The following THSD7A variants were observed in gnomAD, a reference collection of about 807,000 sequenced individuals.
The protein encoded by THSD7A is thrombospondin type 1 domain containing 7A.
In THSD7A, 96 loss-of-function variants were observed where a neutral mutation model predicts 231.3. That is an observed-to-expected ratio of 0.41 (90% CI 0.35 to 0.49). THSD7A has a LOEUF of 0.49. Ranked by LOEUF, THSD7A falls within the 20% of genes least tolerant of loss-of-function variation. The pLI, the probability that THSD7A is intolerant of heterozygous loss-of-function variation, is 0.05. For synonymous variants in THSD7A, 940 were observed against 743.3 expected, an observed-to-expected ratio of 1.26 and a Z score of -4.30; for missense variants, 2,290 against 2,070.2, an observed-to-expected ratio of 1.11 and a Z score of -2.06.
At chr7:11,426,593 T>C (rs1784328368) in intron 15 of THSD7A, 73 bp downstream of exon 15, 5 of 1,408,966 alleles carry the variant, frequency 3.5e-6, no homozygotes, top group South Asian at 1.4e-5. Flanking sequence ...AGAAGAGAAA[T>C]GTATTCTCAG....
At chr7:11,752,987 A>T (rs1052372980) in intron 1 of THSD7A, among the ~76,000 whole-genome samples, 1 of 152,052 alleles carries the variant, frequency 6.6e-6, no homozygotes, top group African/African-American at 2.4e-5. Flanking sequence ...AACTCTTTAC[A>T]TAGTTCAATT....
chr7:11,386,927 A>T (rs1419586439), intron 23 of THSD7A, among the ~76,000 whole-genome samples: 2 of 152,184 alleles, frequency 1.3e-5, no homozygotes, highest in Non-Finnish European at 2.9e-5. Context: ...TTTTCTGCAT[A>T]TGGCTAGCCA....
rs1789516529 is a variant in THSD7A, at chr7:11,549,035, C to T, written c.1454-5918G>A. ...ACAAAGGTCTAATATCCAGAATCTACAAGGAACTTAAATTTAAAAGAAAAA... is the reference window on the plus strand; with the variant it reads ...ACAAAGGTCTAATATCCAGAATCTATAAGGAACTTAAATTTAAAAGAAAAA... On this transcript the variant is annotated intron_variant, in intron 4 of 27. Transcript: ENST00000423059. Among the ~76,000 whole-genome samples, 3 of 151,908 alleles carry T rather than the reference C, an allele frequency of 2.0e-5. No homozygotes were observed. In the South Asian group the frequency reaches 6.2e-4, roughly 31 times the overall value.
chr7:11,790,145 A>G (rs1435753647), intron 1 of THSD7A, among the ~76,000 whole-genome samples: 1 of 152,050 alleles, frequency 6.6e-6, no homozygotes, highest in Non-Finnish European at 1.5e-5. Flanking sequence ...AGTTAAAAGC[A>G]CACATTATTG....
At chr7:11,486,676 C>T (rs1314605504) in intron 6 of THSD7A, among the ~76,000 whole-genome samples, 1 of 152,184 alleles carries the variant, frequency 6.6e-6, no homozygotes, top group Admixed American at 6.6e-5. Flanking sequence ...CATTTAGAAT[C>T]CTCCTTATGC....
At chr7:11,823,268 T>C (rs1384688007) in intron 1 of THSD7A, among the ~76,000 whole-genome samples, 3 of 152,150 alleles carry the variant, frequency 2.0e-5, no homozygotes, top group East Asian at 1.9e-4. Context: ...GTTTAAAATA[T>C]GTGACCTTAT....
chr7:11,379,170 T>C lies in THSD7A; in HGVS notation c.4701A>G (p.Lys1567=). 6.2e-7 allele frequency: 1 copy of C among 1,613,676 alleles called. No homozygotes were observed. ...CCCGACTGGTTTTCACATCTCCTCT[T>C]TTGTCCTCCATGGTGGGTAATACCA... is the stretch of plus-strand genomic sequence containing the variant. The part of the protein sequence containing the change: ...PVVVLPTMED[K]RGDVKTSRAV... The change falls in exon 26 of 28, where the codon AAA becomes AAG. Residue 1567 remains lysine, a synonymous_variant. Coordinates refer to ENST00000423059, the MANE Select transcript of THSD7A (RefSeq NM_015204.3).
intron 11 of THSD7A, among the ~76,000 whole-genome samples, chr7:11,459,625 CAGA>C (rs57989642): frequency 0.19 from 27,850 of 143,370 alleles, 3,169 homozygotes; most frequent in Middle Eastern, 0.32. Context: ...TTTTATGTTC[CAGA>C]AGAAGACTTC....
intron 2 of THSD7A, among the ~76,000 whole-genome samples, chr7:11,633,574 A>T (rs1331857317): frequency 3.3e-5 from 5 of 152,180 alleles, no homozygotes; most frequent in Admixed American, 2.6e-4. Flanking sequence ...GAAAGCTGTA[A>T]CACATAATGC....
intron 6 of THSD7A, among the ~76,000 whole-genome samples, chr7:11,523,381 C>A (rs1288055464): frequency 6.6e-6 from 1 of 151,916 alleles, no homozygotes; most frequent in Non-Finnish European, 1.5e-5. Flanking sequence ...TTTCTTTGTT[C>A]CATCTGACAA....
At chr7:11,517,879 T>G (rs1395111012) in intron 6 of THSD7A, among the ~76,000 whole-genome samples, 2 of 152,198 alleles carry the variant, frequency 1.3e-5, no homozygotes, top group Non-Finnish European at 2.9e-5. Flanking sequence ...AGTATTCAAA[T>G]TTACAAATCT....
At chr7:11,683,879 G>A (rs376277462) in intron 1 of THSD7A, among the ~76,000 whole-genome samples, 2 of 151,746 alleles carry the variant, frequency 1.3e-5, no homozygotes, top group Non-Finnish European at 2.9e-5. Flanking sequence ...TGTACAAATC[G>A]ATATCATCCT....
chr7:11,673,540 A>G (rs142848560), intron 1 of THSD7A, among the ~76,000 whole-genome samples: 1 of 152,270 alleles, frequency 6.6e-6, no homozygotes, highest in African/African-American at 2.4e-5. Flanking sequence ...CCATGGGACC[A>G]AGGTGCATCT....
intron 1 of THSD7A, among the ~76,000 whole-genome samples, chr7:11,747,310 A>G (rs1341064346): frequency 6.6e-6 from 1 of 151,938 alleles, no homozygotes; most frequent in African/African-American, 2.4e-5. Context: ...ATGAGAACAA[A>G]GAGGTGCACT....
At chr7:11,453,551 C>T (rs1785210883) in intron 11 of THSD7A, among the ~76,000 whole-genome samples, 1 of 151,878 alleles carries the variant, frequency 6.6e-6, no homozygotes, top group Non-Finnish European at 1.5e-5. Context: ...ACAGATGTTC[C>T]TTGGCAGGCA....
At chr7:11,616,134 A>T (rs1475399150) in intron 2 of THSD7A, among the ~76,000 whole-genome samples, 1 of 152,254 alleles carries the variant, frequency 6.6e-6, no homozygotes, top group East Asian at 1.9e-4. Flanking sequence ...TTAAATAGAT[A>T]ATATTTTCTA....
chr7:11,417,118 C>A (rs1783987868), intron 17 of THSD7A, among the ~76,000 whole-genome samples: 1 of 152,148 alleles, frequency 6.6e-6, no homozygotes, highest in Non-Finnish European at 1.5e-5. Context: ...TTCATTTTCC[C>A]TTTTACCTGG....
chr7:11,490,237 T>A (rs1021027838), intron 6 of THSD7A, among the ~76,000 whole-genome samples: 1 of 152,084 alleles, frequency 6.6e-6, no homozygotes, highest in African/African-American at 2.4e-5. Context: ...ATAGAACCCA[T>A]TTTAACAAAG....
At position 11,531,240 on chromosome 7, in the gene THSD7A, A is replaced by G. The variant is rs1788696041; in HGVS notation, c.1822+10179T>C. Among the ~76,000 whole-genome samples, 3 of 152,246 alleles carry G rather than the reference A, an allele frequency of 2.0e-5. No homozygotes were observed. In the South Asian group the frequency reaches 6.2e-4, roughly 32 times the overall value. ...CAACCCTTATCTAAGCCACACTGTC[A>G]TCTCTCATTGGAATTATAGCTGAAG... On this transcript the variant is annotated intron_variant, in intron 6 of 27. Transcript: ENST00000423059.
Sources: gnomAD v4.1 joint callset for allele counts (sites outside exome capture counted in the v4.1 genomes callset) on GRCh38, gnomAD v4.1.1 for gene constraint, MANE v1.5 for transcripts, NCBI Gene and HGNC (gene_info 2026-07-23, HGNC 2026-07-21) for gene names.